The following ST18 variants were observed in gnomAD, a reference collection of about 807,000 sequenced individuals.
ST18 encodes the protein ST18 C2H2C-type zinc finger transcription factor, also known as suppression of tumorigenicity 18 protein.
ST18 carries 50 observed loss-of-function variants against 110.0 expected under a neutral mutation model. The observed-to-expected ratio is 0.45, with a 90% CI of 0.36 to 0.58. ST18 has a LOEUF of 0.58. Ranked by LOEUF, ST18 falls within the 20% of genes least tolerant of loss-of-function variation. The pLI, the probability that ST18 is intolerant of heterozygous loss-of-function variation, is 0.00. For synonymous variants in ST18, 461 were observed against 452.4 expected, an observed-to-expected ratio of 1.02 and a Z score of -0.24; for missense variants, 1,306 against 1,280.1, an observed-to-expected ratio of 1.02 and a Z score of -0.31.
chr8:52,248,910 A>G (rs1047139732), intron 2 of ST18, among the ~76,000 whole-genome samples: 1 of 152,152 alleles, frequency 6.6e-6, no homozygotes, highest in Non-Finnish European at 1.5e-5. Flanking sequence ...AATATATATT[A>G]GGGGCTGGGG....
intron 2 of ST18, among the ~76,000 whole-genome samples, chr8:52,256,335 A>T (rs2094528704): frequency 6.6e-6 from 1 of 152,208 alleles, no homozygotes; most frequent in African/African-American, 2.4e-5. Context: ...CGCAAGGACA[A>T]ATTTGGAGCA....
chr8:52,269,997 C>T (rs1177380540), intron 2 of ST18, among the ~76,000 whole-genome samples: 1 of 150,328 alleles, frequency 6.7e-6, no homozygotes, highest in Admixed American at 6.6e-5. Context: ...CATGGCAAAA[C>T]CACATTTTTT....
intron 2 of ST18, among the ~76,000 whole-genome samples, chr8:52,262,469 G>C (rs1028192964): frequency 6.6e-6 from 1 of 152,116 alleles, no homozygotes; most frequent in South Asian, 2.1e-4. Flanking sequence ...TTCACAGGAC[G>C]ACCTCCAAAG....
At chr8:52,371,058 G>A (rs554863224) in intron 2 of ST18, among the ~76,000 whole-genome samples, 2 of 152,260 alleles carry the variant, frequency 1.3e-5, no homozygotes, top group East Asian at 3.9e-4. Flanking sequence ...ATAAACTCAT[G>A]AATCCTCAAA....
At chr8:52,117,668 T>G (rs1336988365) in intron 24 of ST18, among the ~76,000 whole-genome samples, 3 of 152,168 alleles carry the variant, frequency 2.0e-5, no homozygotes, top group Non-Finnish European at 4.4e-5. Flanking sequence ...TTCCAAGAGA[T>G]CCAGTAACCA....
intron 2 of ST18, among the ~76,000 whole-genome samples, chr8:52,387,092 C>T (rs1241990333): frequency 6.6e-6 from 1 of 151,906 alleles, no homozygotes; most frequent in Non-Finnish European, 1.5e-5. Context: ...CCTTTCCTTT[C>T]CTCTTTCTCT....
chr8:52,165,644 T>C (rs1047800561), intron 11 of ST18, among the ~76,000 whole-genome samples: 1 of 152,194 alleles, frequency 6.6e-6, no homozygotes, highest in Admixed American at 6.5e-5. Context: ...ATCATTTTGA[T>C]TCTTTGTCCA....
chr8:52,358,431 A>C (rs6473717), intron 2 of ST18, among the ~76,000 whole-genome samples: 149,460 of 151,890 alleles, frequency 0.98, 73,582 homozygotes, highest in Middle Eastern at 1. Flanking sequence ...AAAAAGGGAA[A>C]AAAATTGATA....
chr8:52,342,564 C>T (rs901270538), intron 2 of ST18, among the ~76,000 whole-genome samples: 4 of 152,168 alleles, frequency 2.6e-5, no homozygotes, highest in African/African-American at 9.7e-5. Flanking sequence ...TAGAAACAAC[C>T]TTATGCGCCT....
chr8:52,113,212 C>T lies in ST18; in HGVS notation c.3130G>A (p.Gly1044Ser). The T allele has an allele frequency of 6.2e-7, 1 of 1,613,932 alleles. No homozygotes were observed. Among genetic ancestry groups the T allele is most frequent in the Non-Finnish European group, 8.5e-7 (1 of 1,179,896 alleles). Residue 1044 changes from glycine to serine, a missense_variant, in exon 26 of 26, where the codon GGT becomes AGT. Transcript: ENST00000689386. The part of the protein sequence containing the change: ...LLESIKQAVK[G>S]IHV Reference sequence around the variant, plus strand: ...GCGCTGTGATCCTACACATGGATACCCTTCACTGCCTGTTTGATACTTTCC... The same window carrying T: ...GCGCTGTGATCCTACACATGGATACTCTTCACTGCCTGTTTGATACTTTCC...
chr8:52,128,939 A>G (rs2048134715), intron 22 of ST18, among the ~76,000 whole-genome samples: 1 of 152,218 alleles, frequency 6.6e-6, no homozygotes, highest in Admixed American at 6.5e-5. Context: ...CATGTCAGCT[A>G]TTACTAGGTA....
At chr8:52,356,614 A>G (rs1822854788) in intron 2 of ST18, among the ~76,000 whole-genome samples, 1 of 152,228 alleles carries the variant, frequency 6.6e-6, no homozygotes, top group South Asian at 2.1e-4. Flanking sequence ...ACAGAAAAAG[A>G]GAAATCAGTA....
intron 2 of ST18, among the ~76,000 whole-genome samples, chr8:52,235,098 C>T (rs574156246): frequency 6.6e-6 from 1 of 151,790 alleles, no homozygotes; most frequent in South Asian, 2.1e-4. Flanking sequence ...CCACCTGTTC[C>T]CCAAAAACCT....
intron 2 of ST18, among the ~76,000 whole-genome samples, chr8:52,340,131 T>C (rs1378367525): frequency 5.3e-5 from 8 of 152,258 alleles, no homozygotes; most frequent in Admixed American, 5.2e-4. Flanking sequence ...GCAAATTTGC[T>C]TCGAAGCTCA....
intron 16 of ST18, among the ~76,000 whole-genome samples, chr8:52,149,051 C>A (rs2058124135): frequency 6.6e-6 from 1 of 152,204 alleles, no homozygotes; most frequent in African/African-American, 2.4e-5. Flanking sequence ...GCTGTCAGTT[C>A]TTTCGAATGA....
At chr8:52,170,931 G>T (rs992190342) in intron 10 of ST18, among the ~76,000 whole-genome samples, 1 of 152,168 alleles carries the variant, frequency 6.6e-6, no homozygotes, top group Non-Finnish European at 1.5e-5. Context: ...ATTCTTGTAA[G>T]CTCCTTGGGT....
chr8:52,283,704 A>G (rs1267146533), intron 2 of ST18, among the ~76,000 whole-genome samples: 1 of 152,122 alleles, frequency 6.6e-6, no homozygotes, highest in East Asian at 1.9e-4. Context: ...GTTTCTTTGC[A>G]TGGAGCAGTG....
At chr8:52,245,325 A>G (rs1564290964) in intron 2 of ST18, among the ~76,000 whole-genome samples, 2 of 152,266 alleles carry the variant, frequency 1.3e-5, no homozygotes, top group Middle Eastern at 3.4e-3. Context: ...TAAAAAATTA[A>G]CCATTTCCTT....
intron 2 of ST18, among the ~76,000 whole-genome samples, chr8:52,346,633 G>A (rs1268516079): frequency 2.6e-5 from 4 of 152,158 alleles, no homozygotes; most frequent in Non-Finnish European, 4.4e-5. Context: ...CAGCCTTCTC[G>A]CTAGCCACAC....
Sources: gnomAD v4.1 joint callset for allele counts (sites outside exome capture counted in the v4.1 genomes callset) on GRCh38, gnomAD v4.1.1 for gene constraint, MANE v1.5 for transcripts, NCBI Gene and HGNC (gene_info 2026-07-23, HGNC 2026-07-21) for gene names.